The following AGMO variants were observed in gnomAD, a reference collection of about 807,000 sequenced individuals.
The protein encoded by AGMO is glyceryl-ether monooxygenase.
A neutral mutation model predicts 60.2 loss-of-function variants in AGMO; 75 were observed. The observed-to-expected ratio is 1.25, with a 90% CI of 1.03 to 1.51. The LOEUF (loss-of-function observed/expected upper bound fraction) is 1.51, where lower values mean the gene tolerates loss of function less well. Among genes scored for constraint, AGMO ranks in the 40% most tolerant of loss-of-function variants. AGMO has a pLI of 0.00. For synonymous variants in AGMO, 261 were observed against 177.1 expected (o/e 1.47, Z -3.76); for missense variants, 763 against 525.5 (o/e 1.45, Z -4.42).
the AGMO span, among the ~76,000 whole-genome samples, chr7:15,182,874 T>C: frequency 6.6e-6 from 1 of 151,952 alleles, no homozygotes; most frequent in East Asian, 1.9e-4. Context: ...CTTTCAATCG[T>C]GGTGGAAGAT....
intron 6 of AGMO, 81 bp from the exon 7 acceptor site, chr7:15,390,986 A>G (rs1732977172): frequency 1.2e-6 from 1 of 847,316 alleles, no homozygotes; most frequent in African/African-American, 1.7e-5. Context: ...TTTTTAGAAT[A>G]TATTCATAAA....
chr7:15,342,349 G>C (rs1333133330), intron 12 of AGMO, among the ~76,000 whole-genome samples: 1 of 151,784 alleles, frequency 6.6e-6, no homozygotes, highest in Non-Finnish European at 1.5e-5. Context: ...GGTCAAAATT[G>C]CTGCTCCAAA....
chr7:15,253,354 C>G (rs150436636), intron 12 of AGMO, among the ~76,000 whole-genome samples: 1 of 151,974 alleles, frequency 6.6e-6, no homozygotes, highest in Non-Finnish European at 1.5e-5. Flanking sequence ...TTGACTTTCC[C>G]AACTAAACAG....
chr7:15,272,392 T>A lies in AGMO; in HGVS notation c.1264-71033A>T, dbSNP rs1388563315. On this transcript the variant is annotated intron_variant, in intron 12 of 12. Coordinates refer to ENST00000342526, the MANE Select transcript of AGMO (RefSeq NM_001004320.2). ...AGAACATGCGGTGTTTGGTTTTTTGTTCTTGGGATAGTTTCCTGAGAAAGA... is the reference window on the plus strand; with the variant it reads ...AGAACATGCGGTGTTTGGTTTTTTGATCTTGGGATAGTTTCCTGAGAAAGA... Among the ~76,000 whole-genome samples the A allele has an allele frequency of 2.6e-5, 4 of 151,118 alleles. No individual in the cohort carries two copies. In the South Asian group the frequency reaches 8.4e-4, roughly 32 times the overall value.
chr7:15,413,288 G>C (rs1368286392), intron 5 of AGMO, among the ~76,000 whole-genome samples: 1 of 152,116 alleles, frequency 6.6e-6, no homozygotes, highest in Non-Finnish European at 1.5e-5. Context: ...TATTCAATCT[G>C]GATACAAGAG....
chr7:15,496,049 T>C (rs1562536567), intron 3 of AGMO, among the ~76,000 whole-genome samples: 1 of 152,086 alleles, frequency 6.6e-6, no homozygotes, highest in Non-Finnish European at 1.5e-5. Flanking sequence ...ACTCAGTCCA[T>C]AACATCTACA....
Position 15,406,741 on chromosome 7 carries a change from G to T in AGMO, c.609+11817C>A, listed in dbSNP as rs371238359. ...TATATGTATATACACACATACATATGAATATACATATATATGTATTCCATA... is the reference window on the plus strand; with the variant it reads ...TATATGTATATACACACATACATATTAATATACATATATATGTATTCCATA... On this transcript the variant is annotated intron_variant, in intron 5 of 12. Transcript: ENST00000342526. Among the ~76,000 whole-genome samples, 11 of 75,456 alleles carry T rather than the reference G, an allele frequency of 1.5e-4. No individual in the cohort carries two copies. In the East Asian group the frequency reaches 3.3e-3, roughly 23 times the overall value. The allele number at this position is 75,456 out of a possible 152,430, so 49.5% of individuals were successfully genotyped here.
rs1344644715 is a variant in AGMO, at chr7:15,385,501, A to G, written c.1019T>C (p.Val340Ala). The G allele has an allele frequency of 6.2e-7, 1 of 1,613,446 alleles. No individual in the cohort carries two copies. Residue 340 changes from valine (V) to alanine (A), a missense_variant, in exon 10 of 13, where the codon GTT (valine) becomes GCT (alanine). Coordinates refer to ENST00000342526, the MANE Select transcript of AGMO (RefSeq NM_001004320.2). ...TGCCAACATCAGAGCAAACTGTACA[A>G]CTGTATATATCTTTAATAGCTGAGA... ...SSSQLLKIYT[V>A]VQFALMLAFY... is the part of the protein sequence containing the mutation.
chr7:15,196,085 C>T (rs946419331), downstream of AGMO, among the ~76,000 whole-genome samples: 7 of 151,796 alleles, frequency 4.6e-5, no homozygotes, highest in East Asian at 1.9e-4. Context: ...GCTCTGTCAC[C>T]GGGCTGGAAT....
chr7:15,393,130 G>A (rs553591802), intron 6 of AGMO, among the ~76,000 whole-genome samples: 1 of 152,182 alleles, frequency 6.6e-6, no homozygotes, highest in Non-Finnish European at 1.5e-5. Flanking sequence ...GTCCTCCCTG[G>A]AATTGGAGAA....
At chr7:15,129,638 G>A in the AGMO span, among the ~76,000 whole-genome samples, 1 of 151,992 alleles carries the variant, frequency 6.6e-6, no homozygotes, top group Non-Finnish European at 1.5e-5. Context: ...AGTATTAGTG[G>A]CCCACCACCT....
At chr7:15,374,388 CAT>C (rs1457658336) in intron 10 of AGMO, among the ~76,000 whole-genome samples, 2 of 151,964 alleles carry the variant, frequency 1.3e-5, no homozygotes, top group Non-Finnish European at 1.5e-5. Flanking sequence ...GTATAATTAA[CAT>C]ATAGTTCAAA....
At chr7:15,130,286 ATC>A in the AGMO span, among the ~76,000 whole-genome samples, 1 of 151,724 alleles carries the variant, frequency 6.6e-6, no homozygotes, top group African/African-American at 2.4e-5. Flanking sequence ...ATGTCTTTTA[ATC>A]TCTCACTTAC....
chr7:15,173,401 C>T, the AGMO span, among the ~76,000 whole-genome samples: 2 of 152,212 alleles, frequency 1.3e-5, no homozygotes, highest in East Asian at 1.9e-4. Context: ...ATTGTTATTG[C>T]TTGGCATTTT....
chr7:15,215,822 T>C (rs1583298228), intron 12 of AGMO, among the ~76,000 whole-genome samples: 13 of 152,182 alleles, frequency 8.5e-5, no homozygotes, highest in Admixed American at 6.6e-4. Context: ...GTGGGCTTAA[T>C]TGAAATGCAG....
intron 12 of AGMO, among the ~76,000 whole-genome samples, chr7:15,359,667 G>T (rs892236200): frequency 6.6e-6 from 1 of 152,098 alleles, no homozygotes. Flanking sequence ...CCTAAAATAC[G>T]TCAACAACTA....
intron 10 of AGMO, among the ~76,000 whole-genome samples, chr7:15,372,059 T>C (rs1288185648): frequency 3.3e-5 from 5 of 152,098 alleles, no homozygotes; most frequent in African/African-American, 4.8e-5. Context: ...AGAACACATA[T>C]GCTTAATTTA....
the AGMO span, among the ~76,000 whole-genome samples, chr7:15,165,471 A>T: frequency 2.5e-4 from 38 of 152,292 alleles, no homozygotes; most frequent in African/African-American, 9.1e-4. Context: ...ATATGGTAAA[A>T]CTACACTTCA....
At chr7:15,494,656 T>C (rs920569041) in intron 3 of AGMO, among the ~76,000 whole-genome samples, 18 of 152,212 alleles carry the variant, frequency 1.2e-4, no homozygotes, top group African/African-American at 4.3e-4. Flanking sequence ...TCCTCGTCCA[T>C]TTGATAGTTA....
Sources: gnomAD v4.1 joint callset for allele counts (sites outside exome capture counted in the v4.1 genomes callset) on GRCh38, gnomAD v4.1.1 for gene constraint, MANE v1.5 for transcripts, NCBI Gene and HGNC (gene_info 2026-07-23, HGNC 2026-07-21) for gene names.